COL8A1: variants seen among roughly 807,000 people sequenced by gnomAD.
COL8A1 encodes collagen type VIII alpha 1 chain.
A neutral mutation model predicts 42.7 loss-of-function variants in COL8A1; 21 were observed. The observed-to-expected ratio is 0.49, with a 90% confidence interval of 0.35 to 0.71. COL8A1 has a LOEUF of 0.71. Among genes scored for constraint, COL8A1 ranks in the 30% least tolerant of loss-of-function variants. COL8A1 has a pLI of 0.01. For synonymous variants in COL8A1, 367 were observed against 369.1 expected, an observed-to-expected ratio of 0.99 and a Z score of 0.06; for missense variants, 788 against 962.4, an observed-to-expected ratio of 0.82 and a Z score of 2.40.
chr3:99,639,929 T>C (rs1937472494), intron 1 of COL8A1, among the ~76,000 whole-genome samples: 2 of 152,274 alleles, frequency 1.3e-5, no homozygotes, highest in South Asian at 4.1e-4. Context: ...TTATATTATC[T>C]CATGTGGAAA....
rs1940388059 is a variant in COL8A1 at position 99,727,988 on chromosome 3, A to G, written c.-128-16909A>G. ...AATAAATTAGGTATTGATGGGACATATTTCAAAATAATAAGAGCTATCTAT... is the reference window on the plus strand; with the variant it reads ...AATAAATTAGGTATTGATGGGACATGTTTCAAAATAATAAGAGCTATCTAT... On this transcript the variant is annotated intron_variant, in intron 1 of 3. Coordinates refer to ENST00000652472, the MANE Select transcript of COL8A1 (RefSeq NM_020351.4). 3.3e-5 allele frequency among the ~76,000 whole-genome samples: 5 copies of G among 149,524 alleles called. No homozygotes were observed. In the South Asian group the frequency reaches 1.1e-3, roughly 32 times the overall value.
At chr3:99,689,724 A>G (rs1219168691) in intron 1 of COL8A1, among the ~76,000 whole-genome samples, 1 of 152,092 alleles carries the variant, frequency 6.6e-6, no homozygotes, top group East Asian at 1.9e-4. Context: ...GTTTCTCAAT[A>G]TTAGATGCAC....
chr3:99,640,595 C>G (rs1446889609), intron 1 of COL8A1, among the ~76,000 whole-genome samples: 1 of 152,124 alleles, frequency 6.6e-6, no homozygotes, highest in Non-Finnish European at 1.5e-5. Context: ...TCCACCGGAC[C>G]AGCTATGGAC....
chr3:99,739,450 C>G (rs139199510), intron 1 of COL8A1, among the ~76,000 whole-genome samples: 3 of 152,342 alleles, frequency 2.0e-5, no homozygotes, highest in Non-Finnish European at 4.4e-5. Context: ...AGCAGACATT[C>G]TCCATGAGGG....
intron 2 of COL8A1, among the ~76,000 whole-genome samples, chr3:99,782,145 G>A (rs148395597): frequency 2.4e-3 from 358 of 152,180 alleles, no homozygotes; most frequent in Middle Eastern, 0.01. Flanking sequence ...AAAAACCATG[G>A]ATTATTATCA....
At chr3:99,736,978 A>T (rs1416626304) in intron 1 of COL8A1, among the ~76,000 whole-genome samples, 1 of 152,156 alleles carries the variant, frequency 6.6e-6, no homozygotes, top group Non-Finnish European at 1.5e-5. Context: ...TCCCTTTACC[A>T]TTATGTAATG....
intron 2 of COL8A1, among the ~76,000 whole-genome samples, chr3:99,767,839 T>G (rs998628697): frequency 6.6e-6 from 1 of 152,116 alleles, no homozygotes; most frequent in Non-Finnish European, 1.5e-5. Flanking sequence ...ATAATACTAA[T>G]GATAATAAAG....
intron 2 of COL8A1, among the ~76,000 whole-genome samples, chr3:99,749,054 C>T (rs915197282): frequency 6.6e-5 from 10 of 151,994 alleles, no homozygotes; most frequent in African/African-American, 2.4e-4. Context: ...TTTATTCTAC[C>T]TACAAAGTCA....
At chr3:99,651,940 A>G (rs1306315814) in intron 1 of COL8A1, among the ~76,000 whole-genome samples, 3 of 152,248 alleles carry the variant, frequency 2.0e-5, no homozygotes, top group African/African-American at 7.2e-5. Context: ...CATGAGCCAG[A>G]CAACATCAAG....
rs1942060220 is a variant in COL8A1 at position 99,794,360 on chromosome 3, A to G, written c.459A>G (p.Gly153=). The change falls in exon 4 of 4, where the codon GGA becomes GGG. Residue 153 remains glycine, a synonymous_variant. Transcript: ENST00000652472. The surrounding 1 kb of genome is among the most constrained non-coding windows in gnomAD (Gnocchi z 4.3). ...TTAAAGGAAAACCAGGGCCACAGGG[A>G]TATCCAGGAGTTGGAAAGCCAGGTA... The part of the protein sequence containing the change: ...PGIKGKPGPQ[G]YPGVGKPGMP... 6.2e-7 allele frequency: 1 copy of G among 1,613,880 alleles called. No individual in the cohort carries two copies. The highest frequency in any genetic ancestry group is 1.7e-5 in the Admixed American group (1 of 59,982).
intron 2 of COL8A1, among the ~76,000 whole-genome samples, chr3:99,771,222 A>G (rs1409701789): frequency 1.3e-5 from 2 of 152,218 alleles, no homozygotes; most frequent in African/African-American, 2.4e-5. Context: ...TCAAAGAATA[A>G]TTGGAAGGTA....
chr3:99,695,724 TG>T (rs1939346967), intron 1 of COL8A1, among the ~76,000 whole-genome samples: 1 of 152,240 alleles, frequency 6.6e-6, no homozygotes, highest in Non-Finnish European at 1.5e-5. Flanking sequence ...CTTTTTAACA[TG>T]TATTGCACAA....
At chr3:99,775,829 T>C (rs1033755054) in intron 2 of COL8A1, among the ~76,000 whole-genome samples, 1 of 152,184 alleles carries the variant, frequency 6.6e-6, no homozygotes, top group Non-Finnish European at 1.5e-5. Flanking sequence ...CTTTGGACTG[T>C]GGGTAAGTCA....
intron 1 of COL8A1, among the ~76,000 whole-genome samples, chr3:99,665,345 C>A (rs1559771938): frequency 6.6e-6 from 1 of 152,220 alleles, no homozygotes; most frequent in Admixed American, 6.5e-5. Flanking sequence ...TCCAACTTTC[C>A]CCCATCTTTA....
At position 99,698,035 on chromosome 3, in the gene COL8A1, C is replaced by T. The variant is rs148146318; in HGVS notation, c.-128-46862C>T. ...CCTGTGTCTATGTGTTCTCATTGTT[C>T]AATTCCCACCTATGAGTGAGAACAT... On this transcript the variant is annotated intron_variant, in intron 1 of 3. Coordinates refer to ENST00000652472, the MANE Select transcript of COL8A1 (RefSeq NM_020351.4). 6.3e-4 allele frequency among the ~76,000 whole-genome samples: 96 copies of T among 152,016 alleles called. 3 individuals are homozygous for T. Among genetic ancestry groups the T allele is most frequent in the East Asian group, 6.2e-3 (32 of 5,166 alleles).
At chr3:99,764,234 A>T (rs1941417325) in intron 2 of COL8A1, among the ~76,000 whole-genome samples, 1 of 152,152 alleles carries the variant, frequency 6.6e-6, no homozygotes, top group Non-Finnish European at 1.5e-5. Context: ...ATTGTGCCTT[A>T]TTTTTGTTTC....
chr3:99,790,123 C>A (rs777252869), intron 2 of COL8A1, among the ~76,000 whole-genome samples: 5 of 152,202 alleles, frequency 3.3e-5, no homozygotes, highest in Non-Finnish European at 7.3e-5. Context: ...TTAACAAAGC[C>A]TAACCAGGAC....
At chr3:99,642,618 G>A (rs1042934829) in intron 1 of COL8A1, among the ~76,000 whole-genome samples, 1 of 152,132 alleles carries the variant, frequency 6.6e-6, no homozygotes, top group Non-Finnish European at 1.5e-5. Flanking sequence ...AACAAAAACT[G>A]ACCCTTCTCT....
intron 1 of COL8A1, among the ~76,000 whole-genome samples, chr3:99,696,490 C>CA (rs1408801007): frequency 6.6e-6 from 1 of 152,132 alleles, no homozygotes; most frequent in Non-Finnish European, 1.5e-5. Context: ...GCGGCTAAGG[C>CA]AGAAAGAGAG....
Sources: allele counts gnomAD v4.1 joint callset (sites outside exome capture counted in the v4.1 genomes callset), GRCh38; gene constraint gnomAD v4.1.1; non-coding constraint Gnocchi (gnomAD v3.1); transcripts MANE v1.5; gene names NCBI Gene and HGNC (gene_info 2026-07-23, HGNC 2026-07-21).